ZNF565: variants seen among roughly 807,000 people sequenced by gnomAD.
ZNF565 encodes zinc finger protein 565.
In ZNF565, 27 loss-of-function variants were observed where a neutral mutation model predicts 39.4. The observed-to-expected ratio is 0.69, with a 90% confidence interval of 0.51 to 0.95. The LOEUF (loss-of-function observed/expected upper bound fraction) is 0.95, where lower values mean the gene tolerates loss of function less well. Among genes scored for constraint, ZNF565 ranks in the 40% least tolerant of loss-of-function variants. ZNF565 has a pLI of 0.00. For missense variants in ZNF565, 524 were observed against 621.1 expected (o/e 0.84, Z 1.66); for synonymous variants, 185 against 216.6 (o/e 0.85, Z 1.28).
chr19:36,232,782 G>C (rs1977443691), intron 1 of ZNF565, among the ~76,000 whole-genome samples: 1 of 151,762 alleles, frequency 6.6e-6, no homozygotes, highest in Admixed American at 6.6e-5. Flanking sequence ...CTAATTTTTT[G>C]TATTTTTAGT....
At chr19:36,223,807 C>T (rs1364360810) in intron 1 of ZNF565, among the ~76,000 whole-genome samples, 6 of 151,374 alleles carry the variant, frequency 4.0e-5, no homozygotes, top group Non-Finnish European at 8.8e-5. Flanking sequence ...GGTGCAGTGG[C>T]GTGATCACAG....
At chr19:36,220,218 T>G (rs1229207927) in intron 1 of ZNF565, among the ~76,000 whole-genome samples, 1 of 152,218 alleles carries the variant, frequency 6.6e-6, no homozygotes, top group African/African-American at 2.4e-5. Context: ...AACATTGTTT[T>G]AAGGCCATTT....
At position 36,182,662 on chromosome 19, in the gene ZNF565, G is replaced by A; in HGVS notation, c.1304C>T (p.Thr435Ile). 6.2e-7 allele frequency: 1 copy of A among 1,614,148 alleles called. No individual in the cohort carries two copies. The highest frequency in any genetic ancestry group is 2.2e-5 in the East Asian group (1 of 44,886). The change falls in exon 5 of 5, where the codon ACT becomes ATT. Residue 435 changes from threonine (T) to isoleucine (I), a missense_variant. Coordinates refer to ENST00000304116, the MANE Select transcript of ZNF565 (RefSeq NM_152477.5). ...GKAFIRVSQLTHHQRIHTCEK... is the reference protein window; with the variant it reads ...GKAFIRVSQLIHHQRIHTCEK... ...ACAAGTGTGAATTCGCTGATGATGA[G>A]TCAGTTGTGAAACACGAATAAAGGC...
intron 2 of ZNF565, among the ~76,000 whole-genome samples, chr19:36,199,525 T>TTTTTTTG (rs1975880849): frequency 6.8e-6 from 1 of 147,478 alleles, no homozygotes; most frequent in Non-Finnish European, 1.5e-5. Context: ...TTTTTTTTTT[T>TTTTTTTG]GAGACAGGGT....
At chr19:36,228,158 CA>C (rs71171422) in intron 1 of ZNF565, among the ~76,000 whole-genome samples, 44,178 of 106,586 alleles carry the variant, frequency 0.41, 6,932 homozygotes, top group Middle Eastern at 0.53. Context: ...GAAACTGTCT[CA>C]AAAAAAAAAA....
chr19:36,209,071 A>G (rs984009786), intron 1 of ZNF565, among the ~76,000 whole-genome samples: 2 of 151,828 alleles, frequency 1.3e-5, no homozygotes, highest in African/African-American at 4.8e-5. Context: ...GGCTCAAACA[A>G]TTTTCCCACC....
chr19:36,194,288 C>A lies in ZNF565; in HGVS notation c.177G>T (p.Glu59Asp). Residue 59 changes from glutamate (E) to aspartate (D), a missense_variant, in exon 4 of 5, where the codon GAG becomes GAT. Physicochemically the swap from Glu to Asp is conservative, Grantham distance 45. Transcript: ENST00000304116. ...ISKPDVVSLL[E>D]QGKEPWMIAN... is the part of the protein sequence containing the mutation. ...CAATCATCCAGGGCTCTTTCCCTTG[C>A]TCCAATAAGGAGACGACATCAGGCT... The A allele has an allele frequency of 6.2e-7, 1 of 1,612,954 alleles. No individual in the cohort carries two copies. The highest frequency in any genetic ancestry group is 8.5e-7 in the Non-Finnish European group (1 of 1,179,524).
At chr19:36,208,291 T>C (rs1976232607) in intron 1 of ZNF565, among the ~76,000 whole-genome samples, 1 of 150,648 alleles carries the variant, frequency 6.6e-6, no homozygotes, top group African/African-American at 2.4e-5. Context: ...AGCTTCAGCC[T>C]CCTGGGCTAA....
chr19:36,236,989 C>T, intron 1 of ZNF565: 1 of 1,614,136 alleles, frequency 6.2e-7, no homozygotes, highest in South Asian at 1.1e-5. Context: ...GAGAGAAACC[C>T]TATGAATGTA....
chr19:36,208,271 G>C (rs1200032241), intron 1 of ZNF565, among the ~76,000 whole-genome samples: 1 of 151,314 alleles, frequency 6.6e-6, no homozygotes, highest in Non-Finnish European at 1.5e-5. Flanking sequence ...GAGGGCAGTG[G>C]CGCAATCACA....
At chr19:36,236,586 G>A in intron 1 of ZNF565, 1 of 1,614,212 alleles carries the variant, frequency 6.2e-7, no homozygotes, top group Non-Finnish European at 8.5e-7. Context: ...TGTAACGAGT[G>A]TGGAAAAGCC....
At chr19:36,191,413 A>G (rs182787271) in intron 4 of ZNF565, among the ~76,000 whole-genome samples, 30 of 150,064 alleles carry the variant, frequency 2.0e-4, no homozygotes, top group Admixed American at 1.2e-3. Flanking sequence ...CTGCCTCCTG[A>G]ACCATTTTTC....
In ZNF565 at chr19:36,245,297, G is replaced by T. The variant is rs1444403265; in HGVS notation, c.55+179C>A. ...GCGTGCACCAACTCGCGCCTAGAGG[G>T]CGTGTATGACCCCAGCTCAGTTCTA... On this transcript the variant is annotated intron_variant, in intron 1 of 4. Transcript: ENST00000355114. This position sits in a 1 kb window ranked among gnomAD's most constrained non-coding sequence, Gnocchi z 4.4. Among the ~76,000 whole-genome samples, 1 of 152,196 alleles carries T rather than the reference G, an allele frequency of 6.6e-6. No individual in the cohort carries two copies. The highest frequency in any genetic ancestry group is 1.5e-5 in the Non-Finnish European group (1 of 68,040).
intron 2 of ZNF565, among the ~76,000 whole-genome samples, chr19:36,197,979 T>C (rs1019772884): frequency 6.6e-6 from 1 of 151,712 alleles, no homozygotes; most frequent in Non-Finnish European, 1.5e-5. Flanking sequence ...GAAACCCCAC[T>C]TCTACTAAAA....
chr19:36,194,431 G>T, intron 3 of ZNF565, 103 bp from the exon 4 acceptor site: 1 of 855,062 alleles, frequency 1.2e-6, no homozygotes, highest in Non-Finnish European at 1.7e-6. Flanking sequence ...TAGGTGGAAG[G>T]TTGTCCAAAG....
chr19:36,228,295 T>G (rs73931517), intron 1 of ZNF565, among the ~76,000 whole-genome samples: 1 of 152,220 alleles, frequency 6.6e-6, no homozygotes, highest in South Asian at 2.1e-4. Flanking sequence ...CCATGTGCTT[T>G]AGTTCTGATG....
Position 36,192,811 on chromosome 19 carries a change from GT to G in ZNF565, c.232+1421del, listed in dbSNP as rs202018524. 6.2e-5 allele frequency among the ~76,000 whole-genome samples: 9 copies of G among 145,952 alleles called. No homozygotes were observed. In the East Asian group the frequency reaches 8.3e-4, roughly 13 times the overall value. On this transcript the variant is annotated intron_variant, in intron 4 of 4. Coordinates refer to ENST00000304116, the MANE Select transcript of ZNF565 (RefSeq NM_152477.5). ...GCCACTGTGCCCAGCCAATAAAATG[GT>G]TTTTTTTTTGGTTTGTTTTTTGAGA...
chr19:36,235,153 G>C (rs1977593540), intron 1 of ZNF565, among the ~76,000 whole-genome samples: 1 of 151,044 alleles, frequency 6.6e-6, no homozygotes, highest in Admixed American at 6.6e-5. Flanking sequence ...AGGCTGCAGT[G>C]AGCCGAGATC....
intron 1 of ZNF565, among the ~76,000 whole-genome samples, chr19:36,231,718 G>A (rs924169746): frequency 6.6e-6 from 1 of 151,910 alleles, no homozygotes; most frequent in Non-Finnish European, 1.5e-5. Context: ...GTTATTTCTG[G>A]ATTATTTCTT....
Sources: allele counts gnomAD v4.1 joint callset (sites outside exome capture counted in the v4.1 genomes callset), GRCh38; gene constraint gnomAD v4.1.1; non-coding constraint Gnocchi (gnomAD v3.1); transcripts MANE v1.5; gene names NCBI Gene and HGNC (gene_info 2026-07-23, HGNC 2026-07-21).